Variants in MAGI2 observed in about 807,000 individuals in gnomAD.
MAGI2 encodes the protein membrane-associated guanylate kinase, WW and PDZ domain-containing protein 2.
A neutral mutation model predicts 133.3 loss-of-function variants in MAGI2; 35 were observed. The ratio of observed to expected loss-of-function variants is 0.26; its 90% CI spans 0.20 to 0.35. The LOEUF (loss-of-function observed/expected upper bound fraction) is 0.35, where lower values mean the gene tolerates loss of function less well. MAGI2 is among the 10% of genes least tolerant of loss of function. MAGI2 has a pLI of 1.00. For missense variants in MAGI2, 1,636 were observed against 1,863.4 expected (o/e 0.88, Z 2.25); for synonymous variants, 729 against 710.6 (o/e 1.03, Z -0.41).
At chr7:78,480,446 T>C (rs1792238863) in intron 6 of MAGI2, among the ~76,000 whole-genome samples, 1 of 151,446 alleles carries the variant, frequency 6.6e-6, no homozygotes. Flanking sequence ...ACAAAAGACA[T>C]AGACACAAAA....
intron 1 of MAGI2, among the ~76,000 whole-genome samples, chr7:79,092,180 T>C (rs1164998770): frequency 6.6e-6 from 1 of 152,188 alleles, no homozygotes; most frequent in Non-Finnish European, 1.5e-5. Flanking sequence ...TAAGCTATTA[T>C]GAAATTCAGC....
chr7:78,179,527 G>A (rs191871103), intron 13 of MAGI2, among the ~76,000 whole-genome samples: 50 of 152,284 alleles, frequency 3.3e-4, no homozygotes, highest in Admixed American at 3.1e-3. Context: ...GGCAAATGCC[G>A]ATTATTTATC....
chr7:78,411,810 A>G (rs1471569863), intron 6 of MAGI2, among the ~76,000 whole-genome samples: 2 of 152,056 alleles, frequency 1.3e-5, no homozygotes, highest in East Asian at 3.9e-4. Flanking sequence ...ACACTTATGC[A>G]TATCAAACCC....
intron 1 of MAGI2, among the ~76,000 whole-genome samples, chr7:79,399,373 C>T (rs936540628): frequency 5.3e-5 from 8 of 151,832 alleles, no homozygotes; most frequent in African/African-American, 1.2e-4. Context: ...GGATTACAGG[C>T]GTGAGCCACT....
At chr7:78,918,687 A>G (rs1029841019) in intron 2 of MAGI2, among the ~76,000 whole-genome samples, 4 of 152,178 alleles carry the variant, frequency 2.6e-5, no homozygotes, top group Admixed American at 2.6e-4. Flanking sequence ...ACTACTGGAG[A>G]CAAAGTTAAG....
chr7:78,467,824 A>C (rs1790794259), intron 6 of MAGI2, among the ~76,000 whole-genome samples: 1 of 152,156 alleles, frequency 6.6e-6, no homozygotes, highest in South Asian at 2.1e-4. Context: ...TGAAAATCTC[A>C]TAAGGAAAAC....
intron 2 of MAGI2, among the ~76,000 whole-genome samples, chr7:78,835,804 A>C (rs1791572362): frequency 6.6e-6 from 1 of 152,206 alleles, no homozygotes; most frequent in Non-Finnish European, 1.5e-5. Context: ...TATGGAAATA[A>C]TTTCCTATGA....
At chr7:79,204,182 A>T (rs1359152213) in intron 1 of MAGI2, among the ~76,000 whole-genome samples, 2 of 152,072 alleles carry the variant, frequency 1.3e-5, no homozygotes, top group Admixed American at 1.3e-4. Flanking sequence ...CCATGGCCTC[A>T]TATTCAAGGC....
rs1236969036 is a variant in MAGI2 at position 78,489,646 on chromosome 7, C to T, written c.1045+115G>A. ...TCTCTTATCTGAGCATTAAACATTA[C>T]ATCGTTAAAATTGTTTCAGCTAGAT... On this transcript the variant is annotated intron_variant, in intron 6 of 21. Coordinates refer to ENST00000354212, the MANE Select transcript of MAGI2 (RefSeq NM_012301.4). The T allele has an allele frequency of 7.6e-6, 6 of 786,046 alleles. No individual in the cohort carries two copies. In the Admixed American group the frequency reaches 1.1e-4, roughly 14 times the overall value. 48.7% of individuals were successfully genotyped at this position (786,046 alleles called of 1,614,324 possible).
chr7:78,899,404 C>T (rs1391317649), intron 2 of MAGI2, among the ~76,000 whole-genome samples: 1 of 152,138 alleles, frequency 6.6e-6, no homozygotes, highest in Non-Finnish European at 1.5e-5. Context: ...GACAGGATCC[C>T]AACCTTGATG....
chr7:79,101,383 A>G (rs1224229453), intron 1 of MAGI2, among the ~76,000 whole-genome samples: 1 of 152,156 alleles, frequency 6.6e-6, no homozygotes, highest in Admixed American at 6.6e-5. Flanking sequence ...TATCACAGTG[A>G]TAAAAGTAAG....
intron 9 of MAGI2, among the ~76,000 whole-genome samples, chr7:78,271,571 A>C (rs976927538): frequency 6.6e-6 from 1 of 152,148 alleles, no homozygotes; most frequent in African/African-American, 2.4e-5. Flanking sequence ...TCGGCTGTGA[A>C]TCTGTCTGGT....
intron 2 of MAGI2, among the ~76,000 whole-genome samples, chr7:78,735,797 A>C (rs1205511364): frequency 1.3e-5 from 2 of 152,198 alleles, no homozygotes; most frequent in African/African-American, 4.8e-5. Flanking sequence ...CTATAAATGC[A>C]CATATGTGCA....
At chr7:78,063,389 G>A (rs921835620) in intron 21 of MAGI2, among the ~76,000 whole-genome samples, 1 of 152,136 alleles carries the variant, frequency 6.6e-6, no homozygotes, top group Admixed American at 6.5e-5. Context: ...CTACAGTCAT[G>A]TGCTTGCACA....
chr7:78,754,302 T>A (rs1002127249), intron 2 of MAGI2, among the ~76,000 whole-genome samples: 2 of 151,564 alleles, frequency 1.3e-5, no homozygotes, highest in Non-Finnish European at 2.9e-5. Flanking sequence ...ACCCAGGAGA[T>A]TGAGGCTGCA....
intron 1 of MAGI2, among the ~76,000 whole-genome samples, chr7:79,258,392 T>A (rs1267249748): frequency 6.6e-6 from 1 of 152,198 alleles, no homozygotes; most frequent in Non-Finnish European, 1.5e-5. Flanking sequence ...AGACACTTCA[T>A]TATATTACTC....
At chr7:79,092,269 T>C (rs1817128099) in intron 1 of MAGI2, among the ~76,000 whole-genome samples, 3 of 152,156 alleles carry the variant, frequency 2.0e-5, no homozygotes, top group Admixed American at 1.3e-4. Context: ...CAGGGCTTTG[T>C]TGGATTGATT....
intron 7 of MAGI2, among the ~76,000 whole-genome samples, chr7:78,348,047 T>C (rs989896867): frequency 6.6e-6 from 1 of 152,210 alleles, no homozygotes; most frequent in African/African-American, 2.4e-5. Flanking sequence ...CTTAAACATA[T>C]ACTGTTCCTG....
chr7:78,673,104 A>C (rs540694644), intron 2 of MAGI2, among the ~76,000 whole-genome samples: 1 of 152,302 alleles, frequency 6.6e-6, no homozygotes, highest in African/African-American at 2.4e-5. Flanking sequence ...CATCGATTAC[A>C]TAGAATGTTA....
Sources: gnomAD v4.1 joint callset for allele counts (sites outside exome capture counted in the v4.1 genomes callset) on GRCh38, gnomAD v4.1.1 for gene constraint, MANE v1.5 for transcripts, NCBI Gene and HGNC (gene_info 2026-07-23, HGNC 2026-07-21) for gene names.